Variants in PPP1R12A observed in about 807,000 individuals in gnomAD.
PPP1R12A encodes the protein myosin binding subunit.
In PPP1R12A, 19 loss-of-function variants were observed where a neutral mutation model predicts 139.6. The observed-to-expected ratio is 0.14, with a 90% CI of 0.09 to 0.20. PPP1R12A has a LOEUF of 0.20. PPP1R12A is among the 10% of genes least tolerant of loss of function. The pLI, the probability that PPP1R12A is intolerant of heterozygous loss-of-function variation, is 1.00. For synonymous variants in PPP1R12A, 427 were observed against 420.6 expected, an observed-to-expected ratio of 1.02 and a Z score of -0.19; for missense variants, 925 against 1,211.5, an observed-to-expected ratio of 0.76 and a Z score of 3.51.
intron 9 of PPP1R12A, among the ~76,000 whole-genome samples, chr12:79,812,317 T>C (rs1036905169): frequency 6.6e-5 from 10 of 152,156 alleles, no homozygotes; most frequent in South Asian, 2.1e-4. Context: ...TTTGGCTTTT[T>C]TTACTGGACA....
intron 3 of PPP1R12A, among the ~76,000 whole-genome samples, chr12:79,834,320 T>C (rs185963463): frequency 4.6e-5 from 7 of 152,318 alleles, no homozygotes; most frequent in Admixed American, 4.6e-4. Flanking sequence ...AGGAATGTTC[T>C]GTTTAGAAGG....
intron 1 of PPP1R12A, among the ~76,000 whole-genome samples, chr12:79,890,906 CACACACA>C (rs1884561304): frequency 8.0e-5 from 1 of 12,424 alleles, no homozygotes; most frequent in Non-Finnish European, 3.4e-4. Context: ...CACACCCACC[CACACACA>C]CACACACACA....
chr12:79,909,798 T>C (rs1441911344), intron 1 of PPP1R12A, among the ~76,000 whole-genome samples: 4 of 150,436 alleles, frequency 2.7e-5, no homozygotes, highest in Non-Finnish European at 4.4e-5. Flanking sequence ...TTTGTTGTTG[T>C]TGTTGTTGTT....
At chr12:79,875,817 T>C (rs928600565) in intron 1 of PPP1R12A, among the ~76,000 whole-genome samples, 3 of 152,212 alleles carry the variant, frequency 2.0e-5, no homozygotes, top group Non-Finnish European at 4.4e-5. Context: ...ATTACCTTTA[T>C]CTACCCATCC....
At chr12:79,777,445 CT>C (rs1242001747) in intron 24 of PPP1R12A, 1 of 984,904 alleles carries the variant, frequency 1.0e-6, no homozygotes, top group Non-Finnish European at 1.2e-6. Context: ...TAAAAGTGAG[CT>C]CTTACAAAAC....
chr12:79,878,839 G>A (rs1039383377), intron 1 of PPP1R12A, among the ~76,000 whole-genome samples: 5 of 152,118 alleles, frequency 3.3e-5, no homozygotes, highest in African/African-American at 1.2e-4. Flanking sequence ...AACACATGGG[G>A]ATTATGGGAA....
upstream of PPP1R12A, chr12:79,935,156 C>A: frequency 3.0e-6 from 4 of 1,344,066 alleles, no homozygotes; most frequent in South Asian, 1.9e-5. Flanking sequence ...CTCCCGCCCC[C>A]AGCACGGCCA....
intron 2 of PPP1R12A, among the ~76,000 whole-genome samples, chr12:79,848,339 T>C (rs1879648570): frequency 6.6e-6 from 1 of 152,184 alleles, no homozygotes; most frequent in Non-Finnish European, 1.5e-5. Flanking sequence ...GTAATTATTC[T>C]CCTAGGCAAA....
At chr12:79,808,401 T>C in intron 11 of PPP1R12A, 82 bp downstream of exon 11, 1 of 961,088 alleles carries the variant, frequency 1.0e-6, no homozygotes, top group Non-Finnish European at 1.6e-6. Context: ...CCGCACATAA[T>C]TACAATGCTC....
chr12:79,820,218 T>C (rs997478093), intron 8 of PPP1R12A, among the ~76,000 whole-genome samples: 11 of 152,202 alleles, frequency 7.2e-5, no homozygotes, highest in African/African-American at 2.4e-4. Context: ...TTTAACTTCA[T>C]TTAAGAAATT....
At chr12:79,836,104 A>C (rs988318228) in intron 3 of PPP1R12A, among the ~76,000 whole-genome samples, 1 of 152,238 alleles carries the variant, frequency 6.6e-6, no homozygotes, top group African/African-American at 2.4e-5. Flanking sequence ...AAGATTTTCC[A>C]AATAGACCTT....
intron 2 of PPP1R12A, among the ~76,000 whole-genome samples, chr12:79,861,083 G>A (rs192129971): frequency 1.4e-4 from 21 of 152,260 alleles, no homozygotes; most frequent in African/African-American, 5.1e-4. Flanking sequence ...ACTCTCAGTA[G>A]CCATCCTAAG....
intron 14 of PPP1R12A, among the ~76,000 whole-genome samples, chr12:79,803,894 T>C (rs560614955): frequency 6.6e-5 from 10 of 152,248 alleles, no homozygotes; most frequent in South Asian, 6.2e-4. Context: ...TCAATTCTCT[T>C]TAGCAGAATA....
chr12:79,884,834 T>A (rs754392242), intron 1 of PPP1R12A, among the ~76,000 whole-genome samples: 1 of 152,192 alleles, frequency 6.6e-6, no homozygotes, highest in East Asian at 1.9e-4. Context: ...AGTTGTAAAC[T>A]GATTCAAGTA....
intron 2 of PPP1R12A, among the ~76,000 whole-genome samples, chr12:79,853,673 C>T (rs1880308237): frequency 6.6e-6 from 1 of 152,178 alleles, no homozygotes; most frequent in Non-Finnish European, 1.5e-5. Flanking sequence ...CTCAATTTTT[C>T]CCTAGAGAAT....
At chr12:79,885,277 T>C (rs1466983011) in intron 1 of PPP1R12A, among the ~76,000 whole-genome samples, 1 of 152,106 alleles carries the variant, frequency 6.6e-6, no homozygotes, top group Non-Finnish European at 1.5e-5. Flanking sequence ...ACCCACTACC[T>C]CAAAAGTTTA....
intron 3 of PPP1R12A, among the ~76,000 whole-genome samples, chr12:79,842,756 A>T (rs982483544): frequency 6.6e-6 from 1 of 152,058 alleles, no homozygotes; most frequent in Admixed American, 6.6e-5. Context: ...CCCAGGCTGG[A>T]GCACAGTGAT....
At chr12:79,804,423 G>C (rs771564943) in intron 14 of PPP1R12A, among the ~76,000 whole-genome samples, 10 of 151,768 alleles carry the variant, frequency 6.6e-5, no homozygotes, top group Non-Finnish European at 1.5e-4. Flanking sequence ...TTTCACCATA[G>C]AAATAGAAAC....
At chr12:79,929,916 A>G (rs1035955306) in intron 1 of PPP1R12A, among the ~76,000 whole-genome samples, 5 of 152,244 alleles carry the variant, frequency 3.3e-5, no homozygotes, top group Middle Eastern at 3.2e-3. Context: ...TTTCAAAAAT[A>G]TATCTCACAA....
Sources: gnomAD v4.1 joint callset for allele counts (sites outside exome capture counted in the v4.1 genomes callset) on GRCh38, gnomAD v4.1.1 for gene constraint, MANE v1.5 for transcripts, NCBI Gene and HGNC (gene_info 2026-07-23, HGNC 2026-07-21) for gene names.